The following PLEKHM3 variants were observed in gnomAD, a reference collection of about 807,000 sequenced individuals.
PLEKHM3 encodes pleckstrin homology domain containing M3.
PLEKHM3 carries 45 observed loss-of-function variants against 81.8 expected under a neutral mutation model. The ratio of observed to expected loss-of-function variants is 0.55; its 90% confidence interval spans 0.43 to 0.71. The LOEUF (loss-of-function observed/expected upper bound fraction) is 0.71, where lower values mean the gene tolerates loss of function less well. Among genes scored for constraint, PLEKHM3 ranks in the 30% least tolerant of loss-of-function variants. PLEKHM3 has a pLI of 0.00. For missense variants in PLEKHM3, 788 were observed against 924.3 expected (o/e 0.85, Z 1.91); for synonymous variants, 352 against 356.4 (o/e 0.99, Z 0.14).
intron 7 of PLEKHM3, among the ~76,000 whole-genome samples, chr2:207,839,280 G>GAATCTAATGTACATTAGAAAATGCACATT (rs2092336771): frequency 1.3e-5 from 2 of 152,112 alleles, no homozygotes; most frequent in Admixed American, 1.3e-4. Flanking sequence ...TAATGTACAT[G>GAATCTAATGTACATTAGAAAATGCACATT]AATCTAATGT....
At chr2:207,895,616 T>G (rs1411982295) in intron 6 of PLEKHM3, among the ~76,000 whole-genome samples, 2 of 152,152 alleles carry the variant, frequency 1.3e-5, no homozygotes, top group East Asian at 3.9e-4. Context: ...TAGTTCCACC[T>G]CTTGGAAACC....
intron 6 of PLEKHM3, among the ~76,000 whole-genome samples, chr2:207,895,810 G>A (rs914326080): frequency 6.6e-6 from 1 of 152,000 alleles, no homozygotes; most frequent in East Asian, 1.9e-4. Context: ...TGAATTGTAA[G>A]GTATTAAGAC....
chr2:207,899,192 T>G (rs1395855772), intron 6 of PLEKHM3, among the ~76,000 whole-genome samples: 1 of 152,196 alleles, frequency 6.6e-6, no homozygotes, highest in Non-Finnish European at 1.5e-5. Context: ...ATTTCTGAAT[T>G]GGGTGAAGTG....
intron 6 of PLEKHM3, among the ~76,000 whole-genome samples, 185 bp from the exon 7 acceptor site, chr2:207,861,447 C>T (rs932110537): frequency 2.6e-5 from 4 of 152,196 alleles, no homozygotes; most frequent in Non-Finnish European, 5.9e-5. Context: ...GTTTAAACCA[C>T]TGGAGGTTGT....
At chr2:207,916,426 A>G (rs1443190636) in intron 5 of PLEKHM3, among the ~76,000 whole-genome samples, 1 of 152,102 alleles carries the variant, frequency 6.6e-6, no homozygotes, top group Non-Finnish European at 1.5e-5. Flanking sequence ...AATGAGTTTT[A>G]TTTTTGTTTT....
At chr2:207,911,002 T>G (rs1559232795) in intron 5 of PLEKHM3, among the ~76,000 whole-genome samples, 1 of 152,184 alleles carries the variant, frequency 6.6e-6, no homozygotes, top group East Asian at 1.9e-4. Flanking sequence ...GAGGGCAGGC[T>G]TCCAGGGGAG....
intron 4 of PLEKHM3, among the ~76,000 whole-genome samples, chr2:207,942,089 T>C (rs1395879491): frequency 1.3e-5 from 2 of 152,160 alleles, no homozygotes; most frequent in African/African-American, 4.8e-5. Flanking sequence ...AAAATAGAAC[T>C]AACATATGAC....
chr2:207,959,426 C>T (rs1261508166), intron 3 of PLEKHM3, among the ~76,000 whole-genome samples: 1 of 152,170 alleles, frequency 6.6e-6, no homozygotes, highest in Non-Finnish European at 1.5e-5. Flanking sequence ...TGAAAAGCAA[C>T]CTGTCTTTTC....
chr2:207,870,052 C>T (rs1277623096), intron 6 of PLEKHM3: 2 of 152,186 alleles, frequency 1.3e-5, no homozygotes, highest in Non-Finnish European at 2.9e-5. Flanking sequence ...GTTTCAGAAA[C>T]AGCTGCTTAT....
chr2:207,867,128 C>T (rs568028128), intron 6 of PLEKHM3, among the ~76,000 whole-genome samples: 1 of 152,216 alleles, frequency 6.6e-6, no homozygotes, highest in Non-Finnish European at 1.5e-5. Context: ...TCTGTCTTTA[C>T]CCCTGGCTGT....
intron 4 of PLEKHM3, 132 bp from the exon 5 acceptor site, chr2:207,931,251 T>C (rs931807413): frequency 1.2e-6 from 1 of 862,804 alleles, no homozygotes. Flanking sequence ...AAAAAGTCTG[T>C]AGTTGAATTA....
chr2:207,834,129 TC>T (rs1175283361), intron 7 of PLEKHM3, among the ~76,000 whole-genome samples: 1 of 88,930 alleles, frequency 1.1e-5, no homozygotes, highest in Non-Finnish European at 2.4e-5. Context: ...TTTTTCTCTT[TC>T]TTTTTTTTTT....
chr2:207,936,941 C>T (rs1387098820), intron 4 of PLEKHM3, among the ~76,000 whole-genome samples: 1 of 150,254 alleles, frequency 6.7e-6, no homozygotes, highest in African/African-American at 2.5e-5. Flanking sequence ...GTTTTATTAT[C>T]TAAATGGAAA....
At chr2:207,932,341 A>G (rs1237351148) in intron 4 of PLEKHM3, among the ~76,000 whole-genome samples, 3 of 152,234 alleles carry the variant, frequency 2.0e-5, no homozygotes, top group Non-Finnish European at 4.4e-5. Context: ...CAGAATCTCT[A>G]CATACCAATC....
intron 3 of PLEKHM3, among the ~76,000 whole-genome samples, chr2:207,974,953 C>A (rs1321104757): frequency 6.6e-6 from 1 of 151,986 alleles, no homozygotes; most frequent in Non-Finnish European, 1.5e-5. Context: ...TGCTCAGCCT[C>A]CCGAGTAGCT....
chr2:207,835,066 A>T (rs1320368513), intron 7 of PLEKHM3, among the ~76,000 whole-genome samples: 1 of 151,584 alleles, frequency 6.6e-6, no homozygotes, highest in East Asian at 2.0e-4. Flanking sequence ...TCAGCCTCCG[A>T]AGTAGCTGGG....
At chr2:207,934,628 G>A (rs1291938984) in intron 4 of PLEKHM3, among the ~76,000 whole-genome samples, 1 of 152,118 alleles carries the variant, frequency 6.6e-6, no homozygotes, top group Non-Finnish European at 1.5e-5. Context: ...ATGAGAAGGA[G>A]GAATCCAAGA....
intron 3 of PLEKHM3, among the ~76,000 whole-genome samples, chr2:207,954,008 C>G (rs1003544898): frequency 4.6e-5 from 7 of 152,222 alleles, no homozygotes; most frequent in Non-Finnish European, 7.4e-5. Flanking sequence ...TCCTCCTAGA[C>G]ACACTGAATG....
Position 207,879,280 on chromosome 2 carries a change from A to G in PLEKHM3, c.1951-18018T>C, listed in dbSNP as rs114175216. 4.5e-3 allele frequency among the ~76,000 whole-genome samples: 682 copies of G among 152,184 alleles called. 10 individuals are homozygous for G. Among genetic ancestry groups the G allele is most frequent in the African/African-American group, 0.014 (566 of 41,506 alleles). On this transcript the variant is annotated intron_variant, in intron 6 of 7. Transcript: ENST00000427836. ...TGCTAGATTCTTTCTCCTCTATGCG[A>G]ATTCCTCTCAAGTCACACTCTTTCA...
Sources: gnomAD v4.1 joint callset for allele counts (sites outside exome capture counted in the v4.1 genomes callset) on GRCh38, gnomAD v4.1.1 for gene constraint, MANE v1.5 for transcripts, NCBI Gene and HGNC (gene_info 2026-07-23, HGNC 2026-07-21) for gene names.